The following CDH13 variants were observed in gnomAD, a reference collection of about 807,000 sequenced individuals.
CDH13 encodes the protein cadherin 13.
In CDH13, 24 loss-of-function variants were observed where a neutral mutation model predicts 63.8. The observed-to-expected ratio is 0.38, with a 90% CI of 0.27 to 0.53. CDH13 has a LOEUF of 0.53. Among genes scored for constraint, CDH13 ranks in the 20% least tolerant of loss-of-function variants. The pLI is 0.85. For missense variants in CDH13, 1,049 were observed against 903.1 expected (o/e 1.16, Z -2.07); for synonymous variants, 503 against 355.3 (o/e 1.42, Z -4.67).
intron 7 of CDH13, among the ~76,000 whole-genome samples, chr16:83,587,893 C>G (rs1391511265): frequency 6.6e-6 from 1 of 151,906 alleles, no homozygotes; most frequent in East Asian, 1.9e-4. Context: ...TCATTGGAGC[C>G]AGCCCCCAGC....
At chr16:83,231,901 C>T (rs572965596) in intron 5 of CDH13, among the ~76,000 whole-genome samples, 1 of 152,086 alleles carries the variant, frequency 6.6e-6, no homozygotes, top group African/African-American at 2.4e-5. Context: ...ATCCCCTTGG[C>T]GACCGAGTTC....
At chr16:82,890,644 G>A (rs1446062520) in intron 2 of CDH13, among the ~76,000 whole-genome samples, 3 of 135,880 alleles carry the variant, frequency 2.2e-5, no homozygotes, top group Admixed American at 8.6e-5. Context: ...GAGCATGAGA[G>A]ACATTCTTTT....
At chr16:83,449,791 G>A (rs917084003) in intron 6 of CDH13, among the ~76,000 whole-genome samples, 4 of 152,144 alleles carry the variant, frequency 2.6e-5, no homozygotes, top group African/African-American at 7.2e-5. Context: ...AAATAGGGAC[G>A]TTAACGCTGG....
intron 1 of CDH13, among the ~76,000 whole-genome samples, chr16:82,655,247 C>G (rs2150914901): frequency 6.6e-6 from 1 of 152,308 alleles, no homozygotes; most frequent in South Asian, 2.1e-4. Flanking sequence ...AAAGAAAATT[C>G]ATTAGTAATC....
intron 6 of CDH13, among the ~76,000 whole-genome samples, chr16:83,406,822 T>A (rs1360802861): frequency 3.3e-5 from 5 of 152,064 alleles, no homozygotes; most frequent in Middle Eastern, 3.2e-3. Flanking sequence ...TAAAACTGAA[T>A]TTTTTTTGTC....
intron 5 of CDH13, among the ~76,000 whole-genome samples, chr16:83,246,024 A>T (rs1178063025): frequency 6.6e-6 from 1 of 152,224 alleles, no homozygotes; most frequent in Non-Finnish European, 1.5e-5. Flanking sequence ...GGTGTGAACC[A>T]CTGCGCCTGG....
intron 6 of CDH13, among the ~76,000 whole-genome samples, chr16:83,452,817 G>T (rs566512836): frequency 6.9e-4 from 105 of 152,308 alleles, no homozygotes; most frequent in African/African-American, 2.4e-3. Context: ...GATACTGGAG[G>T]TGGGTTTTGG....
intron 6 of CDH13, among the ~76,000 whole-genome samples, chr16:83,399,879 T>C (rs1005778485): frequency 6.6e-6 from 1 of 151,994 alleles, no homozygotes; most frequent in Non-Finnish European, 1.5e-5. Flanking sequence ...CAAAAGGAGG[T>C]TGTACCCAAC....
At chr16:83,581,825 T>C (rs1443256149) in intron 7 of CDH13, among the ~76,000 whole-genome samples, 10 of 152,038 alleles carry the variant, frequency 6.6e-5, no homozygotes, top group Admixed American at 6.6e-4. Context: ...TCTCAATAAA[T>C]AAATAAATAA....
intron 1 of CDH13, among the ~76,000 whole-genome samples, chr16:82,658,648 G>A (rs1911574869): frequency 6.6e-6 from 1 of 152,134 alleles, no homozygotes; most frequent in Admixed American, 6.5e-5. Flanking sequence ...TGATCTCCAA[G>A]GGTGGTTGCG....
At chr16:83,462,247 A>G (rs919369097) in intron 6 of CDH13, among the ~76,000 whole-genome samples, 1 of 152,218 alleles carries the variant, frequency 6.6e-6, no homozygotes, top group African/African-American at 2.4e-5. Flanking sequence ...AGCCCCTGGG[A>G]AAGGGAAGCA....
chr16:82,993,001 T>C (rs1911823713), intron 2 of CDH13, among the ~76,000 whole-genome samples: 1 of 152,180 alleles, frequency 6.6e-6, no homozygotes, highest in Admixed American at 6.5e-5. Flanking sequence ...TGAAGCAAAG[T>C]CTTCCTTAAA....
intron 10 of CDH13, among the ~76,000 whole-genome samples, chr16:83,695,667 T>C (rs1905303243): frequency 6.6e-6 from 1 of 152,092 alleles, no homozygotes; most frequent in Non-Finnish European, 1.5e-5. Flanking sequence ...GGGAAAAGAA[T>C]AGGGGCCAGG....
At chr16:83,279,139 G>C (rs950697124) in intron 5 of CDH13, among the ~76,000 whole-genome samples, 2 of 151,732 alleles carry the variant, frequency 1.3e-5, no homozygotes, top group African/African-American at 4.8e-5. Flanking sequence ...TTAGTCACAG[G>C]AAATAGTTTT....
intron 1 of CDH13, among the ~76,000 whole-genome samples, chr16:82,669,383 T>C (rs528821730): frequency 6.9e-4 from 105 of 152,366 alleles, no homozygotes; most frequent in African/African-American, 2.5e-3. Flanking sequence ...ATATATCTTA[T>C]CTACTGCCAC....
At chr16:83,110,256 C>G (rs2034994120) in intron 3 of CDH13, among the ~76,000 whole-genome samples, 1 of 152,210 alleles carries the variant, frequency 6.6e-6, no homozygotes, top group Non-Finnish European at 1.5e-5. Context: ...ACTGCTGCTT[C>G]TTTAAAATAC....
chr16:83,486,651 G>A lies in CDH13; in HGVS notation c.956G>A (p.Arg319Gln). Residue 319 changes from arginine to glutamine, a missense_variant, in exon 7 of 14, where the codon CGA becomes CAA. Arg to Gln is a conservative substitution (Grantham distance 43). Transcript: ENST00000567109. ...VTVVSPALLD[R>Q]ETLENPKYEL... ...GTTGTGTCACCTGCGCTGCTGGACC[G>A]AGAGGTGAGCTGAAAAGAATACACT... is the stretch of plus-strand genomic sequence containing the variant. 2 of 1,613,346 alleles carry A rather than the reference G, an allele frequency of 1.2e-6. No homozygotes were observed. The highest frequency in any genetic ancestry group is 1.7e-6 in the Non-Finnish European group (2 of 1,179,418).
intron 2 of CDH13, among the ~76,000 whole-genome samples, chr16:82,900,625 A>G (rs2041431901): frequency 6.6e-6 from 1 of 152,230 alleles, no homozygotes. Context: ...AGAGGAAGTG[A>G]TTGAAGATGA....
chr16:82,926,279 A>T (rs1458644189), intron 2 of CDH13, among the ~76,000 whole-genome samples: 2 of 147,504 alleles, frequency 1.4e-5, no homozygotes, highest in Non-Finnish European at 3.0e-5. Flanking sequence ...GTAAAACGTT[A>T]TTTCCAAAAA....
Sources: allele counts gnomAD v4.1 joint callset (sites outside exome capture counted in the v4.1 genomes callset), GRCh38; gene constraint gnomAD v4.1.1; transcripts MANE v1.5; gene names NCBI Gene and HGNC (gene_info 2026-07-23, HGNC 2026-07-21).